CACNA2D3: variants seen among roughly 807,000 people sequenced by gnomAD.
CACNA2D3 encodes the protein calcium voltage-gated channel auxiliary subunit alpha2delta 3.
In CACNA2D3, 60 loss-of-function variants were observed where a neutral mutation model predicts 160.6. The ratio of observed to expected loss-of-function variants is 0.37; its 90% confidence interval spans 0.30 to 0.46. CACNA2D3 has a LOEUF of 0.46. CACNA2D3 is among the 20% of genes least tolerant of loss of function. The pLI is 1.00. For missense variants in CACNA2D3, 1,205 were observed against 1,365.0 expected (o/e 0.88, Z 1.85); for synonymous variants, 558 against 492.9 (o/e 1.13, Z -1.75).
At chr3:54,489,803 GA>G (rs1701078473) in intron 4 of CACNA2D3, among the ~76,000 whole-genome samples, 1 of 152,216 alleles carries the variant, frequency 6.6e-6, no homozygotes, top group South Asian at 2.1e-4. Flanking sequence ...GGAGATTCCA[GA>G]TGGCTGGAAG....
intron 24 of CACNA2D3, among the ~76,000 whole-genome samples, 185 bp downstream of exon 24, chr3:54,888,237 G>A (rs1699972828): frequency 6.6e-6 from 1 of 152,202 alleles, no homozygotes; most frequent in African/African-American, 2.4e-5. Context: ...CAAGCTCCTG[G>A]CTTTGACATA....
chr3:54,291,676 G>T (rs113354253), intron 2 of CACNA2D3, among the ~76,000 whole-genome samples: 2,914 of 152,204 alleles, frequency 0.019, 87 homozygotes, highest in African/African-American at 0.065. Flanking sequence ...CTATCTTTTT[G>T]ATAAGATTTA....
Position 54,401,322 on chromosome 3 carries a change from C to T in CACNA2D3, c.381+14548C>T, listed in dbSNP as rs192148865. On this transcript the variant is annotated intron_variant, in intron 4 of 37. Coordinates refer to ENST00000474759, the MANE Select transcript of CACNA2D3 (RefSeq NM_018398.3). The stretch of plus-strand genomic sequence containing the variant: ...AAGGGACAGAGGTAGGAAGAGGAAG[C>T]TTATGAAATAATGAAATAATTGCAG... 1.4e-3 allele frequency among the ~76,000 whole-genome samples: 218 copies of T among 152,268 alleles called. 2 individuals are homozygous for T. Among genetic ancestry groups the T allele is most frequent in the African/African-American group, 5.0e-3 (207 of 41,544 alleles).
chr3:54,956,208 G>A (rs914352245), intron 27 of CACNA2D3, among the ~76,000 whole-genome samples: 4 of 152,204 alleles, frequency 2.6e-5, no homozygotes, highest in Non-Finnish European at 5.9e-5. Context: ...CTGGCCAGAG[G>A]GAACCAAGCC....
chr3:54,449,861 A>T (rs1404366974), intron 4 of CACNA2D3, among the ~76,000 whole-genome samples: 1 of 152,190 alleles, frequency 6.6e-6, no homozygotes, highest in African/African-American at 2.4e-5. Context: ...TAACTTACCC[A>T]GTGTCAGGTA....
intron 11 of CACNA2D3, among the ~76,000 whole-genome samples, chr3:54,714,231 C>T (rs1300752198): frequency 6.6e-6 from 1 of 152,170 alleles, no homozygotes; most frequent in Non-Finnish European, 1.5e-5. Flanking sequence ...CTATTGTTTG[C>T]AGGCAGCCTG....
intron 2 of CACNA2D3, among the ~76,000 whole-genome samples, chr3:54,173,363 G>A (rs1700611112): frequency 6.6e-6 from 1 of 152,110 alleles, no homozygotes; most frequent in Non-Finnish European, 1.5e-5. Context: ...CATGATTTGG[G>A]CAACAATTAG....
intron 5 of CACNA2D3, among the ~76,000 whole-genome samples, chr3:54,561,490 G>GT (rs928946329): frequency 1.3e-5 from 2 of 152,270 alleles, no homozygotes; most frequent in East Asian, 1.9e-4. Flanking sequence ...GGACTGTGGG[G>GT]TTTTCCAGGT....
intron 5 of CACNA2D3, among the ~76,000 whole-genome samples, chr3:54,521,989 T>C (rs970054400): frequency 6.6e-6 from 1 of 152,204 alleles, no homozygotes; most frequent in African/African-American, 2.4e-5. Flanking sequence ...TCTGATTTTG[T>C]TCATATTTTT....
intron 10 of CACNA2D3, among the ~76,000 whole-genome samples, chr3:54,635,938 G>A (rs1699360246): frequency 6.6e-6 from 1 of 151,990 alleles, no homozygotes; most frequent in South Asian, 2.1e-4. Context: ...TTCAGTGAAA[G>A]TGTCTATTTA....
intron 11 of CACNA2D3, among the ~76,000 whole-genome samples, chr3:54,735,979 A>G (rs1188779939): frequency 6.2e-5 from 6 of 96,382 alleles, no homozygotes; most frequent in African/African-American, 2.2e-4. Flanking sequence ...TTTTCCATGC[A>G]TGTATATATA....
chr3:54,387,118 G>C (rs1263969324), intron 4 of CACNA2D3, among the ~76,000 whole-genome samples: 1 of 152,192 alleles, frequency 6.6e-6, no homozygotes, highest in Non-Finnish European at 1.5e-5. Flanking sequence ...CACTTGGCTG[G>C]CTGCATTTTG....
intron 35 of CACNA2D3, among the ~76,000 whole-genome samples, chr3:55,037,276 G>T (rs553020380): frequency 6.6e-6 from 1 of 152,266 alleles, no homozygotes; most frequent in African/African-American, 2.4e-5. Flanking sequence ...GTGTGTTCTG[G>T]GCCACGATTA....
intron 2 of CACNA2D3, among the ~76,000 whole-genome samples, chr3:54,263,848 G>A (rs1702450638): frequency 6.6e-6 from 1 of 152,134 alleles, no homozygotes; most frequent in Non-Finnish European, 1.5e-5. Flanking sequence ...GTACCTGGCA[G>A]GGCTGGAATC....
At chr3:54,556,806 G>A (rs527835263) in intron 5 of CACNA2D3, among the ~76,000 whole-genome samples, 1 of 152,108 alleles carries the variant, frequency 6.6e-6, no homozygotes, top group African/African-American at 2.4e-5. Context: ...ACCATGGAGG[G>A]AACATGAGGC....
chr3:54,733,772 T>A (rs1190552051), intron 11 of CACNA2D3, among the ~76,000 whole-genome samples: 1 of 152,210 alleles, frequency 6.6e-6, no homozygotes, highest in African/African-American at 2.4e-5. Flanking sequence ...GTATAATAAT[T>A]GTAGCACTGA....
At chr3:54,536,523 G>C (rs746485138) in intron 5 of CACNA2D3, among the ~76,000 whole-genome samples, 1 of 152,204 alleles carries the variant, frequency 6.6e-6, no homozygotes, top group African/African-American at 2.4e-5. Flanking sequence ...AACCAGCCAG[G>C]CCAACAGCCC....
At chr3:54,986,602 G>A (rs565119935) in intron 30 of CACNA2D3, among the ~76,000 whole-genome samples, 1 of 152,226 alleles carries the variant, frequency 6.6e-6, no homozygotes, top group African/African-American at 2.4e-5. Context: ...TTATATATGT[G>A]TCTTGCTACC....
chr3:54,474,986 A>C (rs1258967495), intron 4 of CACNA2D3, among the ~76,000 whole-genome samples: 1 of 152,088 alleles, frequency 6.6e-6, no homozygotes, highest in Non-Finnish European at 1.5e-5. Flanking sequence ...TTTATTTGTA[A>C]ATTTATTCTA....
Sources: gnomAD v4.1 joint callset for allele counts (sites outside exome capture counted in the v4.1 genomes callset) on GRCh38, gnomAD v4.1.1 for gene constraint, MANE v1.5 for transcripts, NCBI Gene and HGNC (gene_info 2026-07-23, HGNC 2026-07-21) for gene names.